The following ARHGAP24 variants were observed in gnomAD, a reference collection of about 807,000 sequenced individuals.
ARHGAP24 encodes the protein rho GTPase-activating protein 24.
In ARHGAP24, 50 loss-of-function variants were observed where a neutral mutation model predicts 76.4. The observed-to-expected ratio is 0.65, with a 90% CI of 0.52 to 0.83. The LOEUF (loss-of-function observed/expected upper bound fraction) is 0.83, where lower values mean the gene tolerates loss of function less well. Among genes scored for constraint, ARHGAP24 ranks in the 40% least tolerant of loss-of-function variants. ARHGAP24 has a pLI of 0.00. For missense variants in ARHGAP24, 930 were observed against 914.2 expected (o/e 1.02, Z -0.22); for synonymous variants, 345 against 323.3 (o/e 1.07, Z -0.72).
rs1405270333 is a variant in ARHGAP24 at position 85,653,475 on chromosome 4, A to AT, written c.181-68408dup. 6.0e-5 allele frequency among the ~76,000 whole-genome samples: 8 copies of AT among 133,262 alleles called. No individual in the cohort carries two copies. The East Asian group carries it at 1.3e-3, about 22-fold the overall frequency. The allele number at this position is 133,262 out of a possible 152,430, so 87.4% of individuals were successfully genotyped here. ...TGATTATTTTAATGTAAATTATTTA[A>AT]TTAATTTATTTATTTTGAGGAGGAG... On this transcript the variant is annotated intron_variant, in intron 2 of 9. Transcript: ENST00000395184.
At chr4:85,627,929 C>T (rs1000341113) in intron 2 of ARHGAP24, among the ~76,000 whole-genome samples, 31 of 152,138 alleles carry the variant, frequency 2.0e-4, no homozygotes, top group African/African-American at 7.0e-4. Context: ...ATTGGAAAAG[C>T]GCAGTATTAG....
chr4:85,765,220 T>G (rs1726883608), intron 3 of ARHGAP24, among the ~76,000 whole-genome samples: 2 of 152,284 alleles, frequency 1.3e-5, no homozygotes, highest in Admixed American at 6.5e-5. Context: ...AAATTGTATG[T>G]TTTAACGTAA....
intron 3 of ARHGAP24, among the ~76,000 whole-genome samples, chr4:85,826,358 C>T (rs745475297): frequency 6.6e-6 from 1 of 152,190 alleles, no homozygotes; most frequent in Non-Finnish European, 1.5e-5. Flanking sequence ...CAACCATGCA[C>T]GTGAGCATTT....
At chr4:85,812,943 A>G (rs570038353) in intron 3 of ARHGAP24, among the ~76,000 whole-genome samples, 1 of 152,264 alleles carries the variant, frequency 6.6e-6, no homozygotes, top group South Asian at 2.1e-4. Context: ...CCTATCTTAG[A>G]ACTTGTTACC....
intron 3 of ARHGAP24, among the ~76,000 whole-genome samples, chr4:85,900,691 A>G (rs551031845): frequency 1.1e-4 from 16 of 152,158 alleles, no homozygotes; most frequent in Admixed American, 2.6e-4. Context: ...CTCCCAAAGT[A>G]CAGGGATTAC....
At chr4:85,529,000 G>A (rs1403717247) in intron 1 of ARHGAP24, among the ~76,000 whole-genome samples, 1 of 151,966 alleles carries the variant, frequency 6.6e-6, no homozygotes, top group East Asian at 1.9e-4. Flanking sequence ...ATTGGGATCT[G>A]AGACAAATAC....
At chr4:85,898,429 A>T (rs1357511582) in intron 3 of ARHGAP24, among the ~76,000 whole-genome samples, 1 of 152,026 alleles carries the variant, frequency 6.6e-6, no homozygotes, top group East Asian at 1.9e-4. Flanking sequence ...TTATATCCAT[A>T]CTCTTCATTG....
chr4:85,995,170 A>T lies in ARHGAP24; in HGVS notation c.1516A>T (p.Asn506Tyr). 6.2e-7 allele frequency: 1 copy of T among 1,614,006 alleles called. No individual in the cohort carries two copies. The highest frequency in any genetic ancestry group is 8.5e-7 in the Non-Finnish European group (1 of 1,180,014). Residue 506 changes from asparagine to tyrosine, a missense_variant, in exon 9 of 10, where the codon AAT becomes TAT. Coordinates refer to ENST00000395184, the MANE Select transcript of ARHGAP24 (RefSeq NM_001025616.3). Reference protein sequence around the residue: ...TNVRNMSWLPNGYVTLRDNKQ... With the variant: ...TNVRNMSWLPYGYVTLRDNKQ... ...TGTTCGAAACATGAGCTGGCTGCCAAATGGCTATGTGACCCTGAGGGATAA... is the reference window on the plus strand; with the variant it reads ...TGTTCGAAACATGAGCTGGCTGCCATATGGCTATGTGACCCTGAGGGATAA...
intron 1 of ARHGAP24, among the ~76,000 whole-genome samples, chr4:85,543,635 T>G (rs1460866789): frequency 6.6e-6 from 1 of 152,208 alleles, no homozygotes. Flanking sequence ...TTTATGATAG[T>G]GTTAATAATA....
intron 1 of ARHGAP24, among the ~76,000 whole-genome samples, chr4:85,509,303 A>G (rs1724187892): frequency 6.6e-6 from 1 of 151,786 alleles, no homozygotes; most frequent in Non-Finnish European, 1.5e-5. Flanking sequence ...TATGTAACTA[A>G]CCTGCACATT....
intron 4 of ARHGAP24, among the ~76,000 whole-genome samples, chr4:85,932,887 C>G (rs559150308): frequency 6.6e-6 from 1 of 152,112 alleles, no homozygotes; most frequent in Non-Finnish European, 1.5e-5. Context: ...CCTGGGAGCA[C>G]GAGCGCTCAG....
chr4:85,833,480 T>C (rs189676396), intron 3 of ARHGAP24, among the ~76,000 whole-genome samples: 2 of 148,814 alleles, frequency 1.3e-5, no homozygotes, highest in African/African-American at 4.9e-5. Context: ...TCCTCTGACC[T>C]GGGGAAAAAA....
intron 3 of ARHGAP24, among the ~76,000 whole-genome samples, chr4:85,728,385 CCT>C (rs1193325536): frequency 2.0e-5 from 3 of 151,998 alleles, no homozygotes; most frequent in Middle Eastern, 3.4e-3. Context: ...CTCTCTCTCA[CCT>C]CTCTCTCACT....
At chr4:85,813,149 G>A (rs1275494506) in intron 3 of ARHGAP24, among the ~76,000 whole-genome samples, 4 of 152,168 alleles carry the variant, frequency 2.6e-5, no homozygotes, top group Admixed American at 2.6e-4. Flanking sequence ...CTCATCATTG[G>A]ATGACAATCA....
rs113546976 is a variant in ARHGAP24 at position 85,534,004 on chromosome 4, C to T, written c.-20-36518C>T. ...CTGAATCTGCACATGAAAAGCTCAGCAGTTAGGGAATAAGAAATCCACAAG... is the reference window on the plus strand; with the variant it reads ...CTGAATCTGCACATGAAAAGCTCAGTAGTTAGGGAATAAGAAATCCACAAG... On this transcript the variant is annotated intron_variant, in intron 1 of 9. Transcript: ENST00000395184. Among the ~76,000 whole-genome samples the T allele has an allele frequency of 9.7e-3, 1,472 of 152,132 alleles. 13 individuals are homozygous for T. The highest frequency in any genetic ancestry group is 0.018 in the East Asian group (95 of 5,148).
intron 3 of ARHGAP24, among the ~76,000 whole-genome samples, chr4:85,791,974 G>A (rs1469342852): frequency 1.3e-5 from 2 of 152,148 alleles, no homozygotes; most frequent in Non-Finnish European, 2.9e-5. Context: ...GTTAAATTAT[G>A]TGGTCAGGTT....
rs566576391 is a variant in ARHGAP24 at position 85,992,135 on chromosome 4, A to G, written c.929-2448A>G. The G allele has an allele frequency of 9.9e-4, 394 of 397,832 alleles. No individual in the cohort carries two copies. Among genetic ancestry groups the G allele is most frequent in the Middle Eastern group, 1.9e-3 (3 of 1,584 alleles). 24.6% of individuals were successfully genotyped at this position (397,832 alleles called of 1,614,324 possible). A position where few individuals can be genotyped will look rare whatever the true frequency, so the allele number is the denominator to read the frequency against. ...TGATTATAACCAGTCTGACCTCATT[A>G]TCTGGGCTTCATGTTCCTCATTGGC... is the stretch of plus-strand genomic sequence containing the variant. On this transcript the variant is annotated intron_variant, in intron 8 of 9. Coordinates refer to ENST00000395184, the MANE Select transcript of ARHGAP24 (RefSeq NM_001025616.3).
chr4:85,996,044 A>G (rs1158473110), intron 9 of ARHGAP24, among the ~76,000 whole-genome samples: 1 of 152,198 alleles, frequency 6.6e-6, no homozygotes, highest in Non-Finnish European at 1.5e-5. Context: ...CTAACAAGAA[A>G]AGGATGAAAC....
chr4:85,840,189 A>G (rs375012133), intron 3 of ARHGAP24, among the ~76,000 whole-genome samples: 2 of 152,136 alleles, frequency 1.3e-5, no homozygotes, highest in East Asian at 1.9e-4. Context: ...TAAGAAACTC[A>G]ATGGTCTATA....
Sources: gnomAD v4.1 joint callset for allele counts (sites outside exome capture counted in the v4.1 genomes callset) on GRCh38, gnomAD v4.1.1 for gene constraint, MANE v1.5 for transcripts, NCBI Gene and HGNC (gene_info 2026-07-23, HGNC 2026-07-21) for gene names.